AGBL4: variants seen among roughly 807,000 people sequenced by gnomAD.
The protein encoded by AGBL4 is AGBL carboxypeptidase 4, also known as cytosolic carboxypeptidase 6.
AGBL4 carries 58 observed loss-of-function variants against 66.4 expected under a neutral mutation model. The observed-to-expected ratio is 0.87, with a 90% CI of 0.71 to 1.09. The LOEUF is 1.09. Ranked by LOEUF, AGBL4 falls within the 50% of genes least tolerant of loss-of-function variation. The pLI is 0.00. For synonymous variants in AGBL4, 234 were observed against 222.9 expected (o/e 1.05, Z -0.44); for missense variants, 579 against 631.0 (o/e 0.92, Z 0.88).
At chr1:48,961,455 A>G (rs968526613) in intron 5 of AGBL4, among the ~76,000 whole-genome samples, 1 of 152,244 alleles carries the variant, frequency 6.6e-6, no homozygotes, top group Non-Finnish European at 1.5e-5. Flanking sequence ...GTAGAAATGC[A>G]GAAAGACCGT....
At chr1:48,788,871 A>G (rs1407630210) in intron 6 of AGBL4, among the ~76,000 whole-genome samples, 2 of 152,208 alleles carry the variant, frequency 1.3e-5, no homozygotes, top group Non-Finnish European at 2.9e-5. Flanking sequence ...AGTTTCCCCC[A>G]TTTGTGAAAC....
At chr1:49,808,378 A>G (rs949463921) in intron 2 of AGBL4, among the ~76,000 whole-genome samples, 1 of 152,170 alleles carries the variant, frequency 6.6e-6, no homozygotes. Flanking sequence ...CTCAATGTTG[A>G]AAAGACTACA....
In AGBL4 at chr1:48,544,015, C is replaced by T. The variant is rs565761134; in HGVS notation, c.1268-4277G>A. Among the ~76,000 whole-genome samples the T allele has an allele frequency of 4.6e-5, 7 of 152,264 alleles. No individual in the cohort carries two copies. In the East Asian group the frequency reaches 9.7e-4, roughly 21 times the overall value. On this transcript the variant is annotated intron_variant, in intron 11 of 13. Transcript: ENST00000371839. ...TGGCCCATTTCCTGATTTGAAGGCA[C>T]CTTTTCTGTCAAAGCCTGAGTCATC...
intron 6 of AGBL4, among the ~76,000 whole-genome samples, chr1:48,682,410 C>CTTT (rs529391743): frequency 7.1e-6 from 1 of 140,674 alleles, no homozygotes. Flanking sequence ...CAGCACATCT[C>CTTT]TTTTTTTTTT....
intron 3 of AGBL4, among the ~76,000 whole-genome samples, chr1:49,309,058 C>T (rs1384757382): frequency 6.6e-6 from 1 of 151,998 alleles, no homozygotes; most frequent in Non-Finnish European, 1.5e-5. Context: ...CCAATATAAA[C>T]TCACTGAGAA....
At chr1:49,984,521 C>T (rs1304392104) in intron 1 of AGBL4, among the ~76,000 whole-genome samples, 1 of 152,188 alleles carries the variant, frequency 6.6e-6, no homozygotes, top group African/African-American at 2.4e-5. Flanking sequence ...CTCCTGTAAC[C>T]TGTTGAACAT....
At chr1:49,921,372 G>A (rs1652227089) in intron 1 of AGBL4, among the ~76,000 whole-genome samples, 2 of 151,966 alleles carry the variant, frequency 1.3e-5, no homozygotes, top group Admixed American at 1.3e-4. Context: ...TATATCAAAC[G>A]AAAATTTATA....
At chr1:49,389,522 CT>C (rs1212676061) in intron 3 of AGBL4, among the ~76,000 whole-genome samples, 1 of 152,086 alleles carries the variant, frequency 6.6e-6, no homozygotes, top group African/African-American at 2.4e-5. Flanking sequence ...TAAAACGTGG[CT>C]TCTTGTTTTC....
In AGBL4 at chr1:49,541,114, T is replaced by C. The variant is rs114873937; in HGVS notation, c.282+156199A>G. Among the ~76,000 whole-genome samples the C allele has an allele frequency of 7.0e-3, 1,068 of 152,322 alleles. 9 individuals are homozygous for C. Among genetic ancestry groups the C allele is most frequent in the South Asian group, 0.029 (141 of 4,832 alleles). ...AAACTTACAGACTATAGAGTTTACA[T>C]GAAAATTATATGTGACAATGCTTGT... is the stretch of plus-strand genomic sequence containing the variant. On this transcript the variant is annotated intron_variant, in intron 3 of 13. Transcript: ENST00000371839.
intron 4 of AGBL4, among the ~76,000 whole-genome samples, chr1:49,134,479 C>A (rs1185227137): frequency 7.3e-5 from 1 of 13,650 alleles, no homozygotes; most frequent in Non-Finnish European, 1.4e-4. Context: ...TGGAGGGCCC[C>A]CCCCCCCCCA....
rs1645347690 is a variant in AGBL4, at chr1:48,617,991, G to A, written c.951+16502C>T. Among the ~76,000 whole-genome samples the A allele has an allele frequency of 2.0e-5, 3 of 152,260 alleles. No homozygotes were observed. In the South Asian group the frequency reaches 6.2e-4, roughly 32 times the overall value. The stretch of plus-strand genomic sequence containing the variant: ...TGTGCTCACCTCTGGGCCACCTAGA[G>A]TCAGAAGAACCGAGATTCAATACTG... On this transcript the variant is annotated intron_variant, in intron 9 of 13. Transcript: ENST00000371839.
At chr1:49,062,932 C>T (rs1268627604) in intron 4 of AGBL4, among the ~76,000 whole-genome samples, 1 of 152,150 alleles carries the variant, frequency 6.6e-6, no homozygotes, top group Non-Finnish European at 1.5e-5. Context: ...AGCTTTCATA[C>T]TTCAGTAGAT....
intron 9 of AGBL4, among the ~76,000 whole-genome samples, chr1:48,595,564 T>C (rs1644982666): frequency 6.6e-6 from 1 of 152,220 alleles, no homozygotes; most frequent in South Asian, 2.1e-4. Context: ...CTTCCAAACT[T>C]AAGGACCTTA....
intron 5 of AGBL4, among the ~76,000 whole-genome samples, chr1:48,868,851 G>A (rs1178193326): frequency 6.6e-6 from 1 of 152,132 alleles, no homozygotes; most frequent in Non-Finnish European, 1.5e-5. Context: ...TTTGAGCAAG[G>A]TTAAAAGCTG....
intron 3 of AGBL4, among the ~76,000 whole-genome samples, chr1:49,647,554 C>G (rs1645913632): frequency 6.6e-6 from 1 of 152,104 alleles, no homozygotes; most frequent in African/African-American, 2.4e-5. Flanking sequence ...AATTTTACAT[C>G]CAGTAGCTCT....
chr1:49,030,119 C>T (rs953577591), intron 5 of AGBL4, among the ~76,000 whole-genome samples: 1 of 152,112 alleles, frequency 6.6e-6, no homozygotes, highest in African/African-American at 2.4e-5. Context: ...TAGATACATG[C>T]TATGGACTGA....
At chr1:49,536,972 A>C (rs946273636) in intron 3 of AGBL4, among the ~76,000 whole-genome samples, 1 of 151,412 alleles carries the variant, frequency 6.6e-6, no homozygotes, top group East Asian at 1.9e-4. Flanking sequence ...ATGCCATTGC[A>C]CTCCAGCCTG....
chr1:49,144,525 C>CCACACACACA (rs1237916149), intron 4 of AGBL4, among the ~76,000 whole-genome samples: 1 of 80,484 alleles, frequency 1.2e-5, no homozygotes, highest in South Asian at 5.1e-4. Context: ...TTTACCTAAT[C>CCACACACACA]TACACACACA....
At position 49,893,535 on chromosome 1, in the gene AGBL4, A is replaced by G. The variant is rs1648863032; in HGVS notation, c.35-42017T>C. The stretch of plus-strand genomic sequence containing the variant: ...CCAGGCCTGGCCGCATTCACCATAA[A>G]CAGACTGAAAAGCCCTTGGGCCTTA... On this transcript the variant is annotated intron_variant, in intron 1 of 13. Coordinates refer to ENST00000371839, the MANE Select transcript of AGBL4 (RefSeq NM_032785.4). Among the ~76,000 whole-genome samples, 3 of 152,160 alleles carry G rather than the reference A, an allele frequency of 2.0e-5. No individual in the cohort carries two copies. The South Asian group carries it at 6.2e-4, about 32-fold the overall frequency.
Sources: gnomAD v4.1 joint callset for allele counts (sites outside exome capture counted in the v4.1 genomes callset) on GRCh38, gnomAD v4.1.1 for gene constraint, MANE v1.5 for transcripts, NCBI Gene and HGNC (gene_info 2026-07-23, HGNC 2026-07-21) for gene names.